The following ANK2 variants were observed in gnomAD, a reference collection of about 807,000 sequenced individuals.
The protein encoded by ANK2 is ankyrin 2, also known as ankyrin-2.
In ANK2, 83 loss-of-function variants were observed where a neutral mutation model predicts 360.5. That is an observed-to-expected ratio of 0.23 (90% CI 0.19 to 0.28). ANK2 has a LOEUF of 0.28. Among genes scored for constraint, ANK2 ranks in the 10% least tolerant of loss-of-function variants. The pLI is 1.00. For synonymous variants in ANK2, 1,740 were observed against 1,759.5 expected, an observed-to-expected ratio of 0.99 and a Z score of 0.28; for missense variants, 4,201 against 4,795.7, an observed-to-expected ratio of 0.88 and a Z score of 3.66.
chr4:112,890,684 C>T (rs1269091384), intron 1 of ANK2, among the ~76,000 whole-genome samples: 2 of 149,736 alleles, frequency 1.3e-5, no homozygotes, highest in East Asian at 2.0e-4. Context: ...TCTCCTGCCT[C>T]AGCCTCCCTA....
At chr4:113,270,868 C>T (rs2058240824) in intron 14 of ANK2, among the ~76,000 whole-genome samples, 1 of 152,198 alleles carries the variant, frequency 6.6e-6, no homozygotes, top group South Asian at 2.1e-4. Flanking sequence ...TTAAAGCGTA[C>T]TTTCACCATG....
At chr4:113,348,337 CG>C (rs759478951) in intron 36 of ANK2, 29 bp downstream of exon 36, 1 of 1,608,658 alleles carries the variant, frequency 6.2e-7, no homozygotes, top group Non-Finnish European at 8.5e-7. Context: ...CACTTGTTAT[CG>C]GCTGTGTCAT....
chr4:112,738,184 C>T, the ANK2 span, among the ~76,000 whole-genome samples: 1 of 152,026 alleles, frequency 6.6e-6, no homozygotes, highest in Non-Finnish European at 1.5e-5. Context: ...CCGAGGCGGG[C>T]AGATCACCTG....
At chr4:112,927,720 A>C (rs1168634631) in intron 2 of ANK2, among the ~76,000 whole-genome samples, 1 of 152,264 alleles carries the variant, frequency 6.6e-6, no homozygotes, top group African/African-American at 2.4e-5. Context: ...CTATAGTCAT[A>C]AACTCCATTG....
chr4:112,995,438 T>A (rs1183312386), intron 2 of ANK2, among the ~76,000 whole-genome samples: 1 of 152,210 alleles, frequency 6.6e-6, no homozygotes, highest in Non-Finnish European at 1.5e-5. Flanking sequence ...ACTCTGTTTT[T>A]AATAGGGTTA....
intron 1 of ANK2, among the ~76,000 whole-genome samples, chr4:113,162,598 T>C (rs569270602): frequency 1.4e-4 from 22 of 152,298 alleles, no homozygotes; most frequent in African/African-American, 5.3e-4. Flanking sequence ...GCAATCTCTA[T>C]TCTAAATGTA....
At chr4:113,197,295 G>C (rs774672825) in intron 3 of ANK2, among the ~76,000 whole-genome samples, 2 of 152,160 alleles carry the variant, frequency 1.3e-5, no homozygotes, top group Non-Finnish European at 2.9e-5. Flanking sequence ...AGAAATGCAC[G>C]GGACGCTTGG....
At chr4:113,077,673 A>T (rs2080670370) in intron 1 of ANK2, among the ~76,000 whole-genome samples, 2 of 152,232 alleles carry the variant, frequency 1.3e-5, no homozygotes, top group Non-Finnish European at 2.9e-5. Context: ...GCCACCTTAA[A>T]CTAATGGAGC....
At chr4:113,371,009 T>C (rs1364812687) in intron 43 of ANK2, among the ~76,000 whole-genome samples, 1 of 152,178 alleles carries the variant, frequency 6.6e-6, no homozygotes, top group African/African-American at 2.4e-5. Context: ...TAATTTAATA[T>C]AAATTAAATT....
rs532822703 is a variant in ANK2 at position 113,315,779 on chromosome 4, G to A, written c.2694-1928G>A. ...CCAGGCGTGGTGGCAGGCGCCTGTAGTCCCAGCTACTCGGGAGGCTGAGGC... is the reference window on the plus strand; with the variant it reads ...CCAGGCGTGGTGGCAGGCGCCTGTAATCCCAGCTACTCGGGAGGCTGAGGC... On this transcript the variant is annotated intron_variant, in intron 24 of 45. Coordinates refer to ENST00000357077, the MANE Select transcript of ANK2 (RefSeq NM_001148.6). 7.9e-5 allele frequency among the ~76,000 whole-genome samples: 12 copies of A among 151,430 alleles called. No individual in the cohort carries two copies. In the East Asian group the frequency reaches 2.4e-3, roughly 30 times the overall value.
the ANK2 span, among the ~76,000 whole-genome samples, chr4:112,727,961 G>A: frequency 0.028 from 4,146 of 149,716 alleles, 79 homozygotes; most frequent in Middle Eastern, 0.1. Context: ...TGGGCAACAA[G>A]AGCGAAACTC....
At position 113,274,522 on chromosome 4, in the gene ANK2, A is replaced by G; in HGVS notation, c.1556A>G (p.His519Arg). Residue 519 changes from histidine (H) to arginine (R), a missense_variant, in exon 15 of 46, where the codon CAT becomes CGT. Transcript: ENST00000357077. ...GAAATTGTCCAGCTGCTTCTACAACATATGGCTCATCCAGATGCGGCCACT... is the reference window on the plus strand; with the variant it reads ...GAAATTGTCCAGCTGCTTCTACAACGTATGGCTCATCCAGATGCGGCCACT... ...KTEIVQLLLQHMAHPDAATTN... is the reference protein window; with the variant it reads ...KTEIVQLLLQRMAHPDAATTN... The G allele has an allele frequency of 6.2e-7, 1 of 1,614,216 alleles. No individual in the cohort carries two copies. The highest frequency in any genetic ancestry group is 8.5e-7 in the Non-Finnish European group (1 of 1,180,046).
At chr4:113,040,054 C>T (rs1012284342) in intron 2 of ANK2, among the ~76,000 whole-genome samples, 3 of 151,914 alleles carry the variant, frequency 2.0e-5, no homozygotes, top group African/African-American at 4.8e-5. Flanking sequence ...TTCAAGGACA[C>T]GACCTGCCCC....
At chr4:113,229,121 GTGTGTATTACATACCTGT>G (rs2099260641) in intron 4 of ANK2, among the ~76,000 whole-genome samples, 1 of 152,224 alleles carries the variant, frequency 6.6e-6, no homozygotes, top group Non-Finnish European at 1.5e-5. Flanking sequence ...AACTTGAAAG[GTGTGTATTACATACCTGT>G]TGCTACTGTA....
the ANK2 span, among the ~76,000 whole-genome samples, chr4:112,739,359 G>A: frequency 6.6e-6 from 1 of 152,196 alleles, no homozygotes. Flanking sequence ...ATGCCTGTAA[G>A]TAATCTCAGC....
Position 113,096,987 on chromosome 4 carries a change from A to G in ANK2, c.84+47175A>G, listed in dbSNP as rs182793819. 2.5e-3 allele frequency among the ~76,000 whole-genome samples: 383 copies of G among 151,460 alleles called. 1 individual carries two copies. Among genetic ancestry groups the G allele is most frequent in the African/African-American group, 8.8e-3 (362 of 41,102 alleles). The stretch of plus-strand genomic sequence containing the variant: ...GCAAAAGCAATATTAATTGCTTCCA[A>G]AGCCATCAAGGGCTATTTTATTTGG... On this transcript the variant is annotated intron_variant, in intron 1 of 45. Transcript: ENST00000357077.
chr4:113,375,613 T>C (rs1427930283), intron 45 of ANK2, among the ~76,000 whole-genome samples: 1 of 151,664 alleles, frequency 6.6e-6, no homozygotes, highest in Non-Finnish European at 1.5e-5. Context: ...TAGTCCCAGC[T>C]ACTCGGGAGG....
chr4:113,315,490 GAA>G (rs1231523696), intron 24 of ANK2, among the ~76,000 whole-genome samples: 1 of 152,162 alleles, frequency 6.6e-6, no homozygotes, highest in African/African-American at 2.4e-5. Flanking sequence ...TGCTATTCCA[GAA>G]GACGGTTGAG....
At chr4:113,243,844 G>A (rs957448067) in intron 9 of ANK2, among the ~76,000 whole-genome samples, 24 of 152,144 alleles carry the variant, frequency 1.6e-4, no homozygotes, top group African/African-American at 5.8e-4. Flanking sequence ...CCACTGGAAA[G>A]AAAGCATTTT....
Sources: allele counts gnomAD v4.1 joint callset (sites outside exome capture counted in the v4.1 genomes callset), GRCh38; gene constraint gnomAD v4.1.1; transcripts MANE v1.5; gene names NCBI Gene and HGNC (gene_info 2026-07-23, HGNC 2026-07-21).